Variants in MN1 observed in about 807,000 individuals in gnomAD.
MN1 encodes the protein transcriptional activator MN1.
In MN1, 19 loss-of-function variants were observed where a neutral mutation model predicts 86.9. The ratio of observed to expected loss-of-function variants is 0.22; its 90% CI spans 0.15 to 0.32. The LOEUF is 0.32. MN1 is among the 10% of genes least tolerant of loss of function. The pLI is 1.00. For synonymous variants in MN1, 928 were observed against 849.6 expected, an observed-to-expected ratio of 1.09 and a Z score of -1.60; for missense variants, 1,841 against 1,862.0, an observed-to-expected ratio of 0.99 and a Z score of 0.21.
chr22:27,799,148 C>G lies in MN1; in HGVS notation c.1396G>C (p.Gly466Arg). 6.2e-7 allele frequency: 1 copy of G among 1,606,528 alleles called. No homozygotes were observed. Among genetic ancestry groups the G allele is most frequent in the Non-Finnish European group, 8.5e-7 (1 of 1,174,798 alleles). The change falls in exon 1 of 2, where the codon GGA becomes CGA. Residue 466 changes from glycine to arginine, a missense_variant. Gly to Arg is a moderately radical substitution (Grantham distance 125, BLOSUM62 -2). Transcript: ENST00000302326. ...TTCCACGAAGCGCAGCGGTCCACTC[C>G]CGCGCTGCCCGGAAAGTCGAAGCGC... ...RPRFDFPGSA[G>R]VDRCASWNGS...
chr22:27,778,759 T>C (rs541786948), intron 1 of MN1, among the ~76,000 whole-genome samples: 1 of 152,262 alleles, frequency 6.6e-6, no homozygotes, highest in African/African-American at 2.4e-5. Flanking sequence ...ATCAGGTGAC[T>C]AATGGAGGAA....
chr22:27,785,225 C>T lies in MN1; in HGVS notation c.3781+11538G>A, dbSNP rs141103168. Among the ~76,000 whole-genome samples the T allele has an allele frequency of 2.1e-3, 314 of 152,346 alleles. 1 individual carries two copies. The highest frequency in any genetic ancestry group is 7.3e-3 in the African/African-American group (304 of 41,574). On this transcript the variant is annotated intron_variant, in intron 1 of 1. Transcript: ENST00000302326. ...TATTTTCCCATTAAACCAAGTTTGTCTCAATTTGAAAAGCGAGAATAATCT... is the reference window on the plus strand; with the variant it reads ...TATTTTCCCATTAAACCAAGTTTGTTTCAATTTGAAAAGCGAGAATAATCT...
intron 1 of MN1, among the ~76,000 whole-genome samples, chr22:27,754,713 T>C (rs1239075707): frequency 2.0e-5 from 3 of 152,164 alleles, no homozygotes; most frequent in Non-Finnish European, 2.9e-5. Flanking sequence ...AGTCATGGCC[T>C]GCCCCAGCTC....
At position 27,799,935 on chromosome 22, in the gene MN1, G is replaced by T. The variant is rs775720744; in HGVS notation, c.609C>A (p.Phe203Leu). 2.2e-5 allele frequency: 35 copies of T among 1,603,368 alleles called. No homozygotes were observed. The highest frequency in any genetic ancestry group is 3.0e-5 in the Non-Finnish European group (35 of 1,175,830). ...AGCCGCTGGAGGACGGCAGGCCGTGGAAGGAGGCGGCTCGGTTAGGGCTCT... is the reference window on the plus strand; with the variant it reads ...AGCCGCTGGAGGACGGCAGGCCGTGTAAGGAGGCGGCTCGGTTAGGGCTCT... ...LDQSPNRAASFHGLPSSSGSD... is the reference protein window; with the variant it reads ...LDQSPNRAASLHGLPSSSGSD... The change falls in exon 1 of 2, where the codon TTC (phenylalanine) becomes TTA (leucine). Residue 203 changes from phenylalanine (F) to leucine (L), a missense_variant. Phe to Leu is a conservative substitution (Grantham distance 22). Coordinates refer to ENST00000302326, the MANE Select transcript of MN1 (RefSeq NM_002430.3).
rs1158344981 is a variant in MN1, at chr22:27,799,816, T to C, written c.728A>G (p.His243Arg). 1.3e-6 allele frequency: 2 copies of C among 1,596,366 alleles called. No homozygotes were observed. ...YNYPGEAPSGHFDMFSPSDSE... is the reference protein window; with the variant it reads ...YNYPGEAPSGRFDMFSPSDSE... The stretch of plus-strand genomic sequence containing the variant: ...GTCAGAGGGCGAAAACATGTCAAAA[T>C]GTCCCGAGGGCGCCTCGCCCGGGTA... Residue 243 changes from histidine (H) to arginine (R), a missense_variant, in exon 1 of 2, where the codon CAT (histidine) becomes CGT (arginine). Transcript: ENST00000302326.
At chr22:27,773,097 A>C (rs1424150671) in intron 1 of MN1, among the ~76,000 whole-genome samples, 1 of 148,518 alleles carries the variant, frequency 6.7e-6, no homozygotes, top group African/African-American at 2.5e-5. Context: ...GCCCCTCCCC[A>C]GACTCCCATC....
chr22:27,749,760 G>T lies in MN1; in HGVS notation c.*1155C>A, dbSNP rs1932744251. 4.3e-6 allele frequency: 1 copy of T among 231,524 alleles called. No individual in the cohort carries two copies. Among genetic ancestry groups the T allele is most frequent in the South Asian group, 1.8e-4 (1 of 5,520 alleles). 14.3% of individuals were successfully genotyped at this position (231,524 alleles called of 1,614,324 possible). ...CAGGAGTCTGCAGATCCCTGCAAAG[G>T]CTCAGAGAAGGCTGAGCAGGCTGAG... is the stretch of plus-strand genomic sequence containing the variant. On this transcript the variant is annotated 3_prime_UTR_variant, in exon 2 of 2. Coordinates refer to ENST00000302326, the MANE Select transcript of MN1 (RefSeq NM_002430.3).
Position 27,797,445 on chromosome 22 carries a change from C to A in MN1, c.3099G>T (p.Lys1033Asn). The change falls in exon 1 of 2, where the codon AAG becomes AAT. Residue 1033 changes from lysine (K) to asparagine (N), a missense_variant. Coordinates refer to ENST00000302326, the MANE Select transcript of MN1 (RefSeq NM_002430.3). ...DLIGSLDGGAKSDSSSPNVGE... is the reference protein window; with the variant it reads ...DLIGSLDGGANSDSSSPNVGE... ...CCACGTTTGGCGAACTACTGTCCGA[C>A]TTGGCCCCGCCGTCCAGGGACCCAA... The A allele has an allele frequency of 6.8e-6, 11 of 1,605,960 alleles. No individual in the cohort carries two copies. Among genetic ancestry groups the A allele is most frequent in the Non-Finnish European group, 9.4e-6 (11 of 1,176,406 alleles).
At chr22:27,756,533 G>C (rs945937643) in intron 1 of MN1, among the ~76,000 whole-genome samples, 1 of 152,104 alleles carries the variant, frequency 6.6e-6, no homozygotes, top group Admixed American at 6.5e-5. Context: ...AGGGGTATTC[G>C]GGAAGAAGGA....
At chr22:27,780,541 C>G (rs1933039538) in intron 1 of MN1, among the ~76,000 whole-genome samples, 1 of 152,160 alleles carries the variant, frequency 6.6e-6, no homozygotes. Context: ...GCAGATGCTG[C>G]ATATCAGAGC....
In MN1 at chr22:27,798,274, G is replaced by C; in HGVS notation, c.2270C>G (p.Pro757Arg). ...CGAGTTCACGCCTGGACCGCTGTGC[G>C]GCGTGGACTGCCGGCCGGCTGCACC... ...PFGAAGRQST[P>R]HSGPGVNSPP... The change falls in exon 1 of 2, where the codon CCG (proline) becomes CGG (arginine). Residue 757 changes from proline (P) to arginine (R), a missense_variant. Transcript: ENST00000302326. 1 of 1,528,412 alleles carries C rather than the reference G, an allele frequency of 6.5e-7. No homozygotes were observed. The highest frequency in any genetic ancestry group is 1.2e-5 in the South Asian group (1 of 82,892). The allele number at this position is 1,528,412 out of a possible 1,614,324, so 94.7% of individuals were successfully genotyped here.
At chr22:27,785,378 G>A (rs576779787) in intron 1 of MN1, among the ~76,000 whole-genome samples, 1 of 152,186 alleles carries the variant, frequency 6.6e-6, no homozygotes, top group African/African-American at 2.4e-5. Flanking sequence ...GCTTCTCCAC[G>A]TCCGGCCACG....
chr22:27,761,428 G>T (rs934344969), intron 1 of MN1, among the ~76,000 whole-genome samples: 2 of 135,622 alleles, frequency 1.5e-5, no homozygotes, highest in South Asian at 2.3e-4. Context: ...CACACTTTTT[G>T]GGGGAAAAAA....
rs45521133 is a variant in MN1 at position 27,765,249 on chromosome 22, T to C, written c.3782-14153A>G. Among the ~76,000 whole-genome samples the C allele has an allele frequency of 3.8e-3, 574 of 152,342 alleles. 22 individuals are homozygous for C. The East Asian group carries it at 0.09, about 24-fold the overall frequency. ...AGGCACCCAGTAGGTGCTCAGTCCA[T>C]GCTCCTGATCTATGAAGATTCGTGC... On this transcript the variant is annotated intron_variant, in intron 1 of 1. Transcript: ENST00000302326.
chr22:27,751,391 C>A lies in MN1; in HGVS notation c.3782-295G>T, dbSNP rs561791739. On this transcript the variant is annotated intron_variant, in intron 1 of 1. Coordinates refer to ENST00000302326, the MANE Select transcript of MN1 (RefSeq NM_002430.3). ...TCAGAGTTTGCCCATCTCTGATGCACCAGAGTTCCCAAAAGATTAACTGGA... is the reference window on the plus strand; with the variant it reads ...TCAGAGTTTGCCCATCTCTGATGCAACAGAGTTCCCAAAAGATTAACTGGA... Among the ~76,000 whole-genome samples, 18 of 152,226 alleles carry A rather than the reference C, an allele frequency of 1.2e-4. No individual in the cohort carries two copies. The East Asian group carries it at 2.1e-3, about 18-fold the overall frequency.
intron 1 of MN1, among the ~76,000 whole-genome samples, chr22:27,775,853 G>T (rs1471245222): frequency 1.3e-5 from 2 of 152,174 alleles, no homozygotes; most frequent in African/African-American, 4.8e-5. Context: ...GAATGGCACC[G>T]ACAGCAGCTG....
Position 27,749,023 on chromosome 22 carries a change from A to T in MN1, c.*1892T>A, listed in dbSNP as rs938393334. The T allele has an allele frequency of 4.3e-6, 1 of 231,536 alleles. No homozygotes were observed. The highest frequency in any genetic ancestry group is 8.5e-6 in the Non-Finnish European group (1 of 117,052). 14.3% of individuals were successfully genotyped at this position (231,536 alleles called of 1,614,324 possible). The stretch of plus-strand genomic sequence containing the variant: ...TTCCATTCCTTTTGTAGCAGAACGC[A>T]GGAACTGCCTCGGCTCACACCTTTC... On this transcript the variant is annotated 3_prime_UTR_variant, in exon 2 of 2. Transcript: ENST00000302326.
At chr22:27,786,479 T>G (rs565236753) in intron 1 of MN1, among the ~76,000 whole-genome samples, 1 of 147,816 alleles carries the variant, frequency 6.8e-6, no homozygotes, top group African/African-American at 2.5e-5. Flanking sequence ...ACCACCACCA[T>G]GTGTCAAGGA....
intron 1 of MN1, among the ~76,000 whole-genome samples, chr22:27,764,299 G>A (rs1215589956): frequency 2.6e-5 from 4 of 152,204 alleles, no homozygotes; most frequent in African/African-American, 9.6e-5. Flanking sequence ...AGCAAGGTGA[G>A]GGAAAAGAGT....
Sources: allele counts gnomAD v4.1 joint callset (sites outside exome capture counted in the v4.1 genomes callset), GRCh38; gene constraint gnomAD v4.1.1; transcripts MANE v1.5; gene names NCBI Gene and HGNC (gene_info 2026-07-23, HGNC 2026-07-21).